Variants in ZNF26 observed in about 807,000 individuals in gnomAD.
ZNF26 encodes zinc finger protein 26.
ZNF26 carries 32 observed loss-of-function variants against 54.9 expected under a neutral mutation model. The ratio of observed to expected loss-of-function variants is 0.58; its 90% confidence interval spans 0.44 to 0.78. The LOEUF is 0.78. ZNF26 is among the 30% of genes least tolerant of loss of function. The pLI is 0.00. For synonymous variants in ZNF26, 221 were observed against 209.2 expected, an observed-to-expected ratio of 1.06 and a Z score of -0.49; for missense variants, 524 against 634.0, an observed-to-expected ratio of 0.83 and a Z score of 1.86.
Position 133,023,312 on chromosome 12 carries a change from A to G in ZNF26, c.*11831A>G, listed in dbSNP as rs1432660086. The G allele has an allele frequency of 8.5e-5, 13 of 152,224 alleles. No individual in the cohort carries two copies. The highest frequency in any genetic ancestry group is 5.2e-4 in the Admixed American group (8 of 15,282). 9.4% of individuals were successfully genotyped at this position (152,224 alleles called of 1,614,324 possible). A position where few individuals can be genotyped will look rare whatever the true frequency, so the allele number is the denominator to read the frequency against. On this transcript the variant is annotated 3_prime_UTR_variant, in exon 4 of 4. Coordinates refer to ENST00000328654, the MANE Select transcript of ZNF26 (RefSeq NM_019591.4). ...GGAGTATCAAAAGCTTCCCTCAGTG[A>G]AATATAGCAAAGCCCAGATGGATGT...
rs1161644047 is a variant in ZNF26, at chr12:133,016,157, C to G, written c.*4676C>G. Reference sequence around the variant, plus strand: ...GCGTGATCTCGGCTCACTGCAACTTCCGCCTCTGGGGTTCAGGTGATTCTC... The same window carrying G: ...GCGTGATCTCGGCTCACTGCAACTTGCGCCTCTGGGGTTCAGGTGATTCTC... On this transcript the variant is annotated 3_prime_UTR_variant, in exon 4 of 4. Transcript: ENST00000328654. 6.7e-6 allele frequency: 1 copy of G among 150,108 alleles called. No individual in the cohort carries two copies. Among genetic ancestry groups the G allele is most frequent in the Non-Finnish European group, 1.5e-5 (1 of 67,746 alleles). The allele number at this position is 150,108 out of a possible 1,614,324, so 9.3% of individuals were successfully genotyped here. A position where few individuals can be genotyped will look rare whatever the true frequency, so the allele number is the denominator to read the frequency against.
chr12:132,999,862 G>T (rs1953173202), intron 1 of ZNF26, among the ~76,000 whole-genome samples: 1 of 151,822 alleles, frequency 6.6e-6, no homozygotes. Flanking sequence ...TAGAGACAGG[G>T]TTTCACCATG....
rs1953434307 is a variant in ZNF26, at chr12:133,010,033, C to G, written c.257-103C>G. ...TTGAACCAGTGTGGTAGGCTTGTTACCAAAAGAGAAAGGTTGATTACATCA... is the reference window on the plus strand; with the variant it reads ...TTGAACCAGTGTGGTAGGCTTGTTAGCAAAAGAGAAAGGTTGATTACATCA... On this transcript the variant is annotated intron_variant, in intron 3 of 3. Transcript: ENST00000328654. 3.2e-6 allele frequency: 4 copies of G among 1,240,332 alleles called. No homozygotes were observed. The South Asian group carries it at 7.1e-5, about 22-fold the overall frequency. 76.8% of individuals were successfully genotyped at this position (1,240,332 alleles called of 1,614,324 possible). A position where few individuals can be genotyped will look rare whatever the true frequency, so the allele number is the denominator to read the frequency against.
chr12:132,989,533 A>C (rs1952902037), intron 1 of ZNF26, among the ~76,000 whole-genome samples: 1 of 152,234 alleles, frequency 6.6e-6, no homozygotes, highest in Non-Finnish European at 1.5e-5. Flanking sequence ...ATGGGACCCA[A>C]GTCTAAACAC....
At position 133,001,921 on chromosome 12, in the gene ZNF26, G is replaced by T. The variant is rs1384720678; in HGVS notation, c.34-5121G>T. Among the ~76,000 whole-genome samples, 1 of 152,170 alleles carries T rather than the reference G, an allele frequency of 6.6e-6. No homozygotes were observed. The highest frequency in any genetic ancestry group is 6.6e-5 in the Admixed American group (1 of 15,266). On this transcript the variant is annotated intron_variant, in intron 1 of 3. Transcript: ENST00000328654. The surrounding 1 kb of genome is among the most constrained non-coding windows in gnomAD (Gnocchi z 4.7). ...TCTGAAAATTACCCAGATTTAGCCTGGTCGGCTGTTGCAGATGTCCAGGTT... is the reference window on the plus strand; with the variant it reads ...TCTGAAAATTACCCAGATTTAGCCTTGTCGGCTGTTGCAGATGTCCAGGTT...
At chr12:132,993,705 C>T (rs1026590815) in intron 1 of ZNF26, among the ~76,000 whole-genome samples, 1 of 152,158 alleles carries the variant, frequency 6.6e-6, no homozygotes, top group African/African-American at 2.4e-5. Context: ...ATCTACCCCC[C>T]TCGGCCTCCC....
intron 1 of ZNF26, chr12:133,004,614 TA>T (rs1953285241): frequency 6.6e-6 from 1 of 152,086 alleles, no homozygotes; most frequent in African/African-American, 2.4e-5. Context: ...GCCTCCTGAG[TA>T]ACTGGGACTA....
chr12:132,991,906 G>T (rs985264455), intron 1 of ZNF26, among the ~76,000 whole-genome samples: 4 of 152,074 alleles, frequency 2.6e-5, no homozygotes, highest in Non-Finnish European at 5.9e-5. Flanking sequence ...CCAGCACTCT[G>T]GGAGGCTGAG....
rs1379690266 is a variant in ZNF26 at position 133,023,171 on chromosome 12, A to C, written c.*11690A>C. On this transcript the variant is annotated 3_prime_UTR_variant, in exon 4 of 4. Coordinates refer to ENST00000328654, the MANE Select transcript of ZNF26 (RefSeq NM_019591.4). ...TACTAAGGATAACCATACGCCAGTC[A>C]AATAAAAATAGATAACACATTTTTC... 1 of 152,374 alleles carries C rather than the reference A, an allele frequency of 6.6e-6. No individual in the cohort carries two copies. Among genetic ancestry groups the C allele is most frequent in the African/African-American group, 2.4e-5 (1 of 41,592 alleles). 9.4% of individuals were successfully genotyped at this position (152,374 alleles called of 1,614,324 possible).
At position 133,012,286 on chromosome 12, in the gene ZNF26, G is replaced by A. The variant is rs1953494516; in HGVS notation, c.*805G>A. On this transcript the variant is annotated 3_prime_UTR_variant, in exon 4 of 4. Coordinates refer to ENST00000328654, the MANE Select transcript of ZNF26 (RefSeq NM_019591.4). Reference sequence around the variant, plus strand: ...ACCTCCCCTCTCTGGGGTGCTTCCTGTGGTAGTGTCTTTCAGGTATCCGTT... The same window carrying A: ...ACCTCCCCTCTCTGGGGTGCTTCCTATGGTAGTGTCTTTCAGGTATCCGTT... 1 of 152,126 alleles carries A rather than the reference G, an allele frequency of 6.6e-6. No individual in the cohort carries two copies. Among genetic ancestry groups the A allele is most frequent in the Non-Finnish European group, 1.5e-5 (1 of 68,024 alleles). 9.4% of individuals were successfully genotyped at this position (152,126 alleles called of 1,614,324 possible).
In ZNF26 at chr12:133,001,330, C is replaced by T. The variant is rs11832452; in HGVS notation, c.34-5712C>T. Among the ~76,000 whole-genome samples, 2,721 of 152,278 alleles carry T rather than the reference C, an allele frequency of 0.018. 84 individuals carry two copies. The highest frequency in any genetic ancestry group is 0.061 in the African/African-American group (2,548 of 41,542). ...GCTCTTGTACCTCCCCTCATTCTAG[C>T]CTGCAGAGGGGAGATGGAGGAGGCT... is the stretch of plus-strand genomic sequence containing the variant. On this transcript the variant is annotated intron_variant, in intron 1 of 3. Coordinates refer to ENST00000328654, the MANE Select transcript of ZNF26 (RefSeq NM_019591.4). This position sits in a 1 kb window ranked among gnomAD's most constrained non-coding sequence, Gnocchi z 4.7.
At chr12:133,003,425 T>C (rs896290736) in intron 1 of ZNF26, among the ~76,000 whole-genome samples, 2 of 152,006 alleles carry the variant, frequency 1.3e-5, no homozygotes, top group African/African-American at 2.4e-5. Context: ...TGGCTAATTT[T>C]TTGCATTTTT....
chr12:132,994,958 C>T (rs1953044487), intron 1 of ZNF26, among the ~76,000 whole-genome samples: 1 of 152,142 alleles, frequency 6.6e-6, no homozygotes, highest in African/African-American at 2.4e-5. Context: ...TAAAGGGCTC[C>T]AGACATTGTC....
In ZNF26 at chr12:133,011,571, C is replaced by T. The variant is rs991232791; in HGVS notation, c.*90C>T. 6.1e-5 allele frequency: 81 copies of T among 1,333,864 alleles called. No homozygotes were observed. The African/African-American group carries it at 1.1e-3, about 19-fold the overall frequency. 82.6% of individuals were successfully genotyped at this position (1,333,864 alleles called of 1,614,324 possible). ...TTACAAGCAGGAGGCCCTAAAATTA[C>T]ACTCATGTCAAAAATCAGAGAGGAG... On this transcript the variant is annotated 3_prime_UTR_variant, in exon 4 of 4. Coordinates refer to ENST00000328654, the MANE Select transcript of ZNF26 (RefSeq NM_019591.4).
chr12:133,006,928 C>A, intron 1 of ZNF26, 114 bp from the exon 2 acceptor site: 1 of 1,306,938 alleles, frequency 7.7e-7, no homozygotes, highest in Non-Finnish European at 1.1e-6. Flanking sequence ...AATGCTGAAC[C>A]AGCCACAGGA....
chr12:133,010,997 G>A lies in ZNF26; in HGVS notation c.1118G>A (p.Gly373Asp), dbSNP rs1953459757. The stretch of plus-strand genomic sequence containing the variant: ...ACAGGAAATAATCCTTATCAATGCG[G>A]TGAATGTGGGAAAGCCTTTGGTAGG... ...VHTGNNPYQCGECGKAFGRKE... is the reference protein window; with the variant it reads ...VHTGNNPYQCDECGKAFGRKE... The change falls in exon 4 of 4, where the codon GGT (glycine) becomes GAT (aspartate). Residue 373 changes from glycine (G) to aspartate (D), a missense_variant. Coordinates refer to ENST00000328654, the MANE Select transcript of ZNF26 (RefSeq NM_019591.4). The A allele has an allele frequency of 6.2e-7, 1 of 1,614,044 alleles. No homozygotes were observed. Among genetic ancestry groups the A allele is most frequent in the Non-Finnish European group, 8.5e-7 (1 of 1,180,024 alleles).
intron 3 of ZNF26, among the ~76,000 whole-genome samples, chr12:133,009,236 TCTTA>T (rs1953413419): frequency 6.6e-6 from 1 of 152,234 alleles, no homozygotes; most frequent in African/African-American, 2.4e-5. Context: ...TCTGTCCTTT[TCTTA>T]CTTTTTACAG....
chr12:132,986,561 G>A lies in ZNF26; in HGVS notation c.-280G>A, dbSNP rs2137199406. The A allele has an allele frequency of 1.8e-6, 1 of 554,404 alleles. No individual in the cohort carries two copies. Among genetic ancestry groups the A allele is most frequent in the Non-Finnish European group, 3.2e-6 (1 of 308,570 alleles). 34.3% of individuals were successfully genotyped at this position (554,404 alleles called of 1,614,324 possible). A position where few individuals can be genotyped will look rare whatever the true frequency, so the allele number is the denominator to read the frequency against. ...TTCCGTCGGTCCGGGGCGTGGACGG[G>A]GCCAGATCAGCCTCCTGCTCTCCCG... On this transcript the variant is annotated 5_prime_UTR_variant, in exon 1 of 4. Coordinates refer to ENST00000328654, the MANE Select transcript of ZNF26 (RefSeq NM_019591.4).
At chr12:132,994,727 G>C (rs1405132069) in intron 1 of ZNF26, among the ~76,000 whole-genome samples, 9 of 152,252 alleles carry the variant, frequency 5.9e-5, no homozygotes, top group African/African-American at 1.9e-4. Context: ...GGTTATTTTA[G>C]ATAACACGAC....
Sources: gnomAD v4.1 joint callset for allele counts (sites outside exome capture counted in the v4.1 genomes callset) on GRCh38, gnomAD v4.1.1 for gene constraint, Gnocchi (gnomAD v3.1) non-coding constraint, MANE v1.5 for transcripts, NCBI Gene and HGNC (gene_info 2026-07-23, HGNC 2026-07-21) for gene names.